Variants in AQP8 observed in about 807,000 individuals in gnomAD.
AQP8 encodes aquaporin-8.
In AQP8, 14 loss-of-function variants were observed where a neutral mutation model predicts 26.1. The observed-to-expected ratio is 0.54, with a 90% CI of 0.35 to 0.84. The LOEUF (loss-of-function observed/expected upper bound fraction) is 0.84. Among genes scored for constraint, AQP8 ranks in the 40% least tolerant of loss-of-function variants. The pLI, the probability that AQP8 is intolerant of heterozygous loss-of-function variation, is 0.01. For missense variants in AQP8, 301 were observed against 340.5 expected, an observed-to-expected ratio of 0.88 and a Z score of 0.91; for synonymous variants, 131 against 150.7, an observed-to-expected ratio of 0.87 and a Z score of 0.96.
At position 25,226,812 on chromosome 16, in the gene AQP8, G is replaced by A. The variant is rs1263904776; in HGVS notation, c.603-256G>A. Among the ~76,000 whole-genome samples the A allele has an allele frequency of 5.9e-5, 9 of 152,210 alleles. No individual in the cohort carries two copies. The East Asian group carries it at 1.5e-3, about 26-fold the overall frequency. ...CAGCTTCTCTTCCTGCCATCACCCAGTAGGCATTTTTGCTGGGCATTCTAG... is the reference window on the plus strand; with the variant it reads ...CAGCTTCTCTTCCTGCCATCACCCAATAGGCATTTTTGCTGGGCATTCTAG... On this transcript the variant is annotated intron_variant, in intron 4 of 5. Coordinates refer to ENST00000219660, the MANE Select transcript of AQP8 (RefSeq NM_001169.3).
At chr16:25,226,715 T>G (rs1962638634) in intron 4 of AQP8, among the ~76,000 whole-genome samples, 1 of 152,228 alleles carries the variant, frequency 6.6e-6, no homozygotes, top group Non-Finnish European at 1.5e-5. Context: ...GTTTTGAATC[T>G]AGGTCAGCTT....
At chr16:25,227,530 C>T (rs184168462) in intron 5 of AQP8, among the ~76,000 whole-genome samples, 2 of 152,258 alleles carry the variant, frequency 1.3e-5, no homozygotes, top group Non-Finnish European at 2.9e-5. Context: ...CCCTCTGTTG[C>T]CCAGGCTGGA....
Position 25,224,507 on chromosome 16 carries a change from A to G in AQP8, c.533A>G (p.Asn178Ser), listed in dbSNP as rs774645488. 3.7e-6 allele frequency: 6 copies of G among 1,614,062 alleles called. No homozygotes were observed. Among genetic ancestry groups the G allele is most frequent in the Middle Eastern group, 1.7e-4 (1 of 6,016 alleles). Residue 178 changes from asparagine (N) to serine (S), a missense_variant, in exon 4 of 6, where the codon AAT (asparagine) becomes AGT (serine). Coordinates refer to ENST00000219660, the MANE Select transcript of AQP8 (RefSeq NM_001169.3). ...LALAVCMGAI[N>S]EKTKGPLAPF... The stretch of plus-strand genomic sequence containing the variant: ...CTGGCTGTATGCATGGGTGCCATCA[A>G]TGAGAAGACAAAGGGCCCTCTGGCC...
chr16:25,224,129 A>G (rs1256706930), intron 3 of AQP8, among the ~76,000 whole-genome samples: 1 of 152,192 alleles, frequency 6.6e-6, no homozygotes, highest in Non-Finnish European at 1.5e-5. Context: ...GCCTAGCCCC[A>G]TTACTATTTT....
intron 2 of AQP8, 117 bp from the exon 3 acceptor site, chr16:25,221,340 G>A (rs554839955): frequency 6.8e-5 from 88 of 1,293,406 alleles, no homozygotes; most frequent in South Asian, 1.1e-4. Flanking sequence ...GCTGGGCCCC[G>A]GACTGACTCT....
At chr16:25,227,025 T>C in intron 4 of AQP8, 43 bp from the exon 5 acceptor site, 1 of 1,612,272 alleles carries the variant, frequency 6.2e-7, no homozygotes, top group Non-Finnish European at 8.5e-7. Flanking sequence ...TGAGGTGGGG[T>C]TTGGCTGGGA....
Position 25,217,589 on chromosome 16 carries a change from C to G in AQP8, c.260+144C>G, listed in dbSNP as rs894169006. 2.0e-5 allele frequency: 23 copies of G among 1,128,198 alleles called. No individual in the cohort carries two copies. In the Admixed American group the frequency reaches 2.3e-4, roughly 11 times the overall value. 69.9% of individuals were successfully genotyped at this position (1,128,198 alleles called of 1,614,324 possible). A position where few individuals can be genotyped will look rare whatever the true frequency, so the allele number is the denominator to read the frequency against. ...GATAACTATGGGGTTGGGAGTCAGACTGGGGTCAACTCCAGACCCCGCAGC... is the reference window on the plus strand; with the variant it reads ...GATAACTATGGGGTTGGGAGTCAGAGTGGGGTCAACTCCAGACCCCGCAGC... On this transcript the variant is annotated intron_variant, in intron 2 of 5. Transcript: ENST00000219660.
intron 2 of AQP8, 61 bp from the exon 3 acceptor site, chr16:25,221,396 C>G: frequency 1.3e-6 from 2 of 1,589,724 alleles, no homozygotes; most frequent in Non-Finnish European, 1.7e-6. Flanking sequence ...CACACTGTCT[C>G]AAGTGCCAGC....
chr16:25,224,220 G>T, intron 3 of AQP8, 142 bp from the exon 4 acceptor site: 1 of 714,780 alleles, frequency 1.4e-6, no homozygotes, highest in South Asian at 1.9e-5. Context: ...GCTGGGATGT[G>T]GATGCAGGTA....
At chr16:25,220,911 C>A (rs1032508351) in intron 2 of AQP8, among the ~76,000 whole-genome samples, 1 of 152,110 alleles carries the variant, frequency 6.6e-6, no homozygotes, top group African/African-American at 2.4e-5. Flanking sequence ...ATAAGCCAGG[C>A]GTGGTGGCAC....
In AQP8 at chr16:25,224,363, C is replaced by A; in HGVS notation, c.389C>A (p.Ala130Glu). The change falls in exon 4 of 6, where the codon GCG (alanine) becomes GAG (glutamate). Residue 130 changes from alanine (A) to glutamate (E), a missense_variant and splice_region_variant. Coordinates refer to ENST00000219660, the MANE Select transcript of AQP8 (RefSeq NM_001169.3). ...AGGCTCAGCAGCTTCTCTGTGCAGG[C>A]GGTGAGTCCTGAGGAGAGGTTCTGG... ...GGMLGAALAK[A>E]VSPEERFWNA... 6.2e-7 allele frequency: 1 copy of A among 1,610,022 alleles called. No homozygotes were observed. Among genetic ancestry groups the A allele is most frequent in the East Asian group, 2.2e-5 (1 of 44,808 alleles).
intron 5 of AQP8, 80 bp downstream of exon 5, chr16:25,227,282 T>C (rs1962648992): frequency 6.3e-7 from 1 of 1,575,088 alleles, no homozygotes; most frequent in African/African-American, 1.4e-5. Context: ...ACTAGAGGGC[T>C]AGGCTCTCAC....
chr16:25,218,152 G>T lies in AQP8; in HGVS notation c.260+707G>T, dbSNP rs375387210. Among the ~76,000 whole-genome samples, 9 of 152,322 alleles carry T rather than the reference G, an allele frequency of 5.9e-5. 2 individuals carry two copies. The highest frequency in any genetic ancestry group is 1.9e-4 in the East Asian group (1 of 5,188). On this transcript the variant is annotated intron_variant, in intron 2 of 5. Coordinates refer to ENST00000219660, the MANE Select transcript of AQP8 (RefSeq NM_001169.3). ...CAAGTGCCTCATGCGGAAGTCATGA[G>T]AATTAAATGAAGTAGAGCGCCTGGC...
chr16:25,217,141 T>G, intron 1 of AQP8, 57 bp from the exon 2 acceptor site: 1 of 1,613,314 alleles, frequency 6.2e-7, no homozygotes, highest in Non-Finnish European at 8.5e-7. Flanking sequence ...GGTCGGGGCC[T>G]TCTATATCTG....
intron 5 of AQP8, 133 bp from the exon 6 acceptor site, chr16:25,228,311 C>A: frequency 2.7e-6 from 2 of 734,402 alleles, no homozygotes; most frequent in Non-Finnish European, 4.7e-6. Flanking sequence ...TCTCTCTCTG[C>A]AAGGGGATCT....
chr16:25,224,705 G>A, intron 4 of AQP8, 129 bp downstream of exon 4: 1 of 906,402 alleles, frequency 1.1e-6, no homozygotes, highest in Non-Finnish European at 1.7e-6. Context: ...ATGGGGAGGG[G>A]GGCTGGCATC....
At chr16:25,226,058 TTTTC>T (rs1962628944) in intron 4 of AQP8, among the ~76,000 whole-genome samples, 1 of 152,116 alleles carries the variant, frequency 6.6e-6, no homozygotes, top group Non-Finnish European at 1.5e-5. Flanking sequence ...GGGCTGGGGT[TTTTC>T]TTTCTTTATA....
intron 4 of AQP8, among the ~76,000 whole-genome samples, chr16:25,225,165 T>C (rs1469029036): frequency 6.6e-6 from 1 of 152,202 alleles, no homozygotes; most frequent in Non-Finnish European, 1.5e-5. Flanking sequence ...ATTTTTGTTG[T>C]AGAGATAGGG....
In AQP8 at chr16:25,227,041, G is replaced by A. The variant is rs751345958; in HGVS notation, c.603-27G>A. 3.1e-6 allele frequency: 5 copies of A among 1,613,336 alleles called. No individual in the cohort carries two copies. The Admixed American group carries it at 8.3e-5, about 27-fold the overall frequency. On this transcript the variant is annotated intron_variant, in intron 4 of 5. Coordinates refer to ENST00000219660, the MANE Select transcript of AQP8 (RefSeq NM_001169.3). ...GAGGTGGGGTTTGGCTGGGATCCTG[G>A]TGACCTTGGTGCCTGGGTGTTTGCA...
Sources: gnomAD v4.1 joint callset for allele counts (sites outside exome capture counted in the v4.1 genomes callset) on GRCh38, gnomAD v4.1.1 for gene constraint, MANE v1.5 for transcripts, NCBI Gene and HGNC (gene_info 2026-07-23, HGNC 2026-07-21) for gene names.